CARNS1: variants seen among roughly 807,000 people sequenced by gnomAD.
CARNS1 encodes the protein ATP-grasp domain containing 1.
CARNS1 carries 61 observed loss-of-function variants against 74.0 expected under a neutral mutation model. The observed-to-expected ratio is 0.82, with a 90% CI of 0.67 to 1.02. The LOEUF (loss-of-function observed/expected upper bound fraction) is 1.02, where lower values mean the gene tolerates loss of function less well. Among genes scored for constraint, CARNS1 ranks in the 50% least tolerant of loss-of-function variants. CARNS1 has a pLI of 0.00. For synonymous variants in CARNS1, 568 were observed against 605.5 expected (o/e 0.94, Z 0.91); for missense variants, 1,278 against 1,308.4 (o/e 0.98, Z 0.36).
At position 67,424,424 on chromosome 11, in the gene CARNS1, C is replaced by A. The variant is rs773551482; in HGVS notation, c.2676C>A (p.Arg892=). 4.4e-6 allele frequency: 7 copies of A among 1,588,564 alleles called. No individual in the cohort carries two copies. The South Asian group carries it at 7.9e-5, about 18-fold the overall frequency. The stretch of plus-strand genomic sequence containing the variant: ...CCCTGCACGACCGTGGACTGCTACG[C>A]CTCAATCTGCTGGAGGAGGCCCTGG... ...LQALHDRGLL[R]LNLLEEALVP... is the part of the protein sequence containing the mutation. Residue 892 remains arginine (R), a synonymous_variant, in exon 10 of 10, where the codon CGC becomes CGA. Transcript: ENST00000687366.
chr11:67,420,486 T>G (rs781194831), intron 7 of CARNS1, 123 bp from the exon 8 acceptor site: 43 of 517,742 alleles, frequency 8.3e-5, no homozygotes, highest in Non-Finnish European at 1.2e-4. Flanking sequence ...TAAGACACGT[T>G]GGAGGACGGG....
Position 67,421,232 on chromosome 11 carries a change from C to G in CARNS1, c.1626+13C>G. The stretch of plus-strand genomic sequence containing the variant: ...CTACGGGCTCCAGGTGGGCGGGGCG[C>G]GGGGCGGGGCTGGGCCCCAGGTCCT... On this transcript the variant is annotated intron_variant, in intron 9 of 9. Transcript: ENST00000687366. 1 of 1,360,484 alleles carries G rather than the reference C, an allele frequency of 7.4e-7. No homozygotes were observed. Among genetic ancestry groups the G allele is most frequent in the Non-Finnish European group, 9.6e-7 (1 of 1,046,634 alleles). The allele number at this position is 1,360,484 out of a possible 1,614,324, so 84.3% of individuals were successfully genotyped here.
intron 4 of CARNS1, 31 bp downstream of exon 4, chr11:67,418,551 T>C: frequency 6.6e-7 from 1 of 1,522,640 alleles, no homozygotes; most frequent in Non-Finnish European, 8.8e-7. Flanking sequence ...CCCCATCCCC[T>C]TCTACAGAAA....
In CARNS1 at chr11:67,416,197, G is replaced by C. The variant is rs758983965; in HGVS notation, c.-3G>C. On this transcript the variant is annotated 5_prime_UTR_variant, in exon 2 of 10. Coordinates refer to ENST00000687366, the MANE Select transcript of CARNS1 (RefSeq NM_001166222.2). The stretch of plus-strand genomic sequence containing the variant: ...TCAGTCTCTCAGCCACTCCACCCAC[G>C]AGATGGTGAGTCTTCTGTGGTCCCT... 2 of 1,535,100 alleles carry C rather than the reference G, an allele frequency of 1.3e-6. No individual in the cohort carries two copies. The highest frequency in any genetic ancestry group is 2.4e-5 in the South Asian group (2 of 84,032).
Position 67,421,054 on chromosome 11 carries a change from G to A in CARNS1, c.1461G>A (p.Pro487=), listed in dbSNP as rs1207141670. The A allele has an allele frequency of 7.4e-6, 10 of 1,357,664 alleles. No homozygotes were observed. The highest frequency in any genetic ancestry group is 9.4e-7 in the Non-Finnish European group (1 of 1,066,154). 84.1% of individuals were successfully genotyped at this position (1,357,664 alleles called of 1,614,324 possible). A position where few individuals can be genotyped will look rare whatever the true frequency, so the allele number is the denominator to read the frequency against. ...CGCTGGAGGGGCTGTGGGCCGCGCC[G>A]CGGCTGGGGCCGGCGGCCGACGAGG... is the stretch of plus-strand genomic sequence containing the variant. ...CGALEGLWAA[P]RLGPAADEAV... The change falls in exon 9 of 10, where the codon CCG becomes CCA. Residue 487 remains proline (P), a synonymous_variant. Coordinates refer to ENST00000687366, the MANE Select transcript of CARNS1 (RefSeq NM_001166222.2).
chr11:67,418,532 C>T lies in CARNS1; in HGVS notation c.364+12C>T. On this transcript the variant is annotated intron_variant, in intron 4 of 9. Transcript: ENST00000687366. ...GGTCCAGAGCCCGGGTGAGTGTATG[C>T]TCAAGTTTCCCCATCCCCTTCTACA... The T allele has an allele frequency of 6.5e-7, 1 of 1,527,650 alleles. No individual in the cohort carries two copies. The highest frequency in any genetic ancestry group is 8.8e-7 in the Non-Finnish European group (1 of 1,141,326). The allele number at this position is 1,527,650 out of a possible 1,614,324, so 94.6% of individuals were successfully genotyped here.
chr11:67,418,885 AC>A lies in CARNS1; in HGVS notation c.495del (p.Phe166LeufsTer31). ...CCTGGGGGCCTGACATTCCTGGATG[AC>A]TTTGTCCCCCCGCGCCGTGCCACCT... The part of the protein sequence containing the change: ...FHPGGLTFLD[D>X]FVPPRRATYF... On this transcript the variant is annotated frameshift_variant, in exon 5 of 10. Transcript: ENST00000687366. LOFTEE classifies it high-confidence loss of function. The A allele has an allele frequency of 6.3e-7, 1 of 1,599,868 alleles. No individual in the cohort carries two copies. Among genetic ancestry groups the A allele is most frequent in the South Asian group, 1.1e-5 (1 of 88,872 alleles).
In CARNS1 at chr11:67,424,332, G is replaced by A. The variant is rs770786736; in HGVS notation, c.2584G>A (p.Val862Ile). 1.6e-5 allele frequency: 25 copies of A among 1,609,466 alleles called. No homozygotes were observed. The highest frequency in any genetic ancestry group is 4.4e-5 in the South Asian group (4 of 90,474). Residue 862 changes from valine (V) to isoleucine (I), a missense_variant, in exon 10 of 10, where the codon GTC (valine) becomes ATC (isoleucine). Around this residue, in one of 3 missense-constraint regions of CARNS1, gnomAD observed 1,164 missense variants for 1,156.5 expected, o/e 1.01. Coordinates refer to ENST00000687366, the MANE Select transcript of CARNS1 (RefSeq NM_001166222.2). ...ACGTGCTCGTGGCCATCTGGTGGGCGTCATGTGCCTTGTGTCCCAGCACCT... is the reference window on the plus strand; with the variant it reads ...ACGTGCTCGTGGCCATCTGGTGGGCATCATGTGCCTTGTGTCCCAGCACCT... The part of the protein sequence containing the change: ...RPRARGHLVG[V>I]MCLVSQHLQA...
intron 7 of CARNS1, among the ~76,000 whole-genome samples, chr11:67,420,102 T>C (rs1863657080): frequency 6.6e-6 from 1 of 152,126 alleles, no homozygotes; most frequent in Non-Finnish European, 1.5e-5. Context: ...GGCTGAATTG[T>C]CTTCCCAGAG....
chr11:67,418,981 C>T lies in CARNS1; in HGVS notation c.590C>T (p.Thr197Ile). ...REAAELARDL[T>I]CPTGASAELA... ...GCAGCAGAACTCGCCCGTGACCTGA[C>T]CTGCCCCACAGGAGCTTCGGCTGAG... Residue 197 changes from threonine to isoleucine, a missense_variant, in exon 5 of 10, where the codon ACC becomes ATC. This residue lies in a region of CARNS1 where 1,164 missense variants were observed against 1,156.5 expected (regional missense o/e 1.01). Coordinates refer to ENST00000687366, the MANE Select transcript of CARNS1 (RefSeq NM_001166222.2). 3 of 1,565,772 alleles carry T rather than the reference C, an allele frequency of 1.9e-6. No homozygotes were observed. Among genetic ancestry groups the T allele is most frequent in the Non-Finnish European group, 2.6e-6 (3 of 1,155,916 alleles).
chr11:67,417,935 C>T (rs1217859571), intron 3 of CARNS1, among the ~76,000 whole-genome samples: 2 of 152,216 alleles, frequency 1.3e-5, no homozygotes, highest in Non-Finnish European at 2.9e-5. Context: ...TGGGAAACCA[C>T]GTTGTGTGGC....
chr11:67,417,678 G>T lies in CARNS1; in HGVS notation c.274+1G>T, dbSNP rs1215744383. 1.6e-6 allele frequency: 2 copies of T among 1,253,566 alleles called. No individual in the cohort carries two copies. Among genetic ancestry groups the T allele is most frequent in the Non-Finnish European group, 2.0e-6 (2 of 997,816 alleles). The allele number at this position is 1,253,566 out of a possible 1,614,324, so 77.7% of individuals were successfully genotyped here. Reference sequence around the variant, plus strand: ...GACCGCGGCCAGGTGCCCCGCACAGGTGCCCAAGGGCTCCCTGGAGGGAGG... The same window carrying T: ...GACCGCGGCCAGGTGCCCCGCACAGTTGCCCAAGGGCTCCCTGGAGGGAGG... On this transcript the variant is annotated splice_donor_variant, in intron 3 of 9. Coordinates refer to ENST00000687366, the MANE Select transcript of CARNS1 (RefSeq NM_001166222.2). LOFTEE classifies it high-confidence loss of function.
In CARNS1 at chr11:67,421,157, G is replaced by A; in HGVS notation, c.1564G>A (p.Val522Ile). 2 of 1,494,024 alleles carry A rather than the reference G, an allele frequency of 1.3e-6. No individual in the cohort carries two copies. The highest frequency in any genetic ancestry group is 1.3e-5 in the South Asian group (1 of 79,938). 92.5% of individuals were successfully genotyped at this position (1,494,024 alleles called of 1,614,324 possible). A position where few individuals can be genotyped will look rare whatever the true frequency, so the allele number is the denominator to read the frequency against. The change falls in exon 9 of 10, where the codon GTC (valine) becomes ATC (isoleucine). Residue 522 changes from valine to isoleucine, a missense_variant. Transcript: ENST00000687366. ...CLMEGKQLLV[V>I]GAGGVSKKFV... Reference sequence around the variant, plus strand: ...CATGGAGGGAAAACAGCTGCTGGTGGTCGGCGCTGGCGGCGTCAGCAAGAA... The same window carrying A: ...CATGGAGGGAAAACAGCTGCTGGTGATCGGCGCTGGCGGCGTCAGCAAGAA...
chr11:67,423,716 G>A lies in CARNS1; in HGVS notation c.1968G>A (p.Glu656=). The A allele has an allele frequency of 6.3e-7, 1 of 1,579,504 alleles. No homozygotes were observed. The highest frequency in any genetic ancestry group is 8.6e-7 in the Non-Finnish European group (1 of 1,167,730). Reference sequence around the variant, plus strand: ...ATGCTGTGCCCTGCTGCCCACTGGAGAGTGAGGCTGATGTGGAGAGGGCCG... The same window carrying A: ...ATGCTGTGCCCTGCTGCCCACTGGAAAGTGAGGCTGATGTGGAGAGGGCCG... ...SLHAVPCCPL[E]SEADVERAVH... The change falls in exon 10 of 10, where the codon GAG becomes GAA. Residue 656 remains glutamate, a synonymous_variant. Coordinates refer to ENST00000687366, the MANE Select transcript of CARNS1 (RefSeq NM_001166222.2). This position sits in a 1 kb window ranked among gnomAD's most constrained non-coding sequence, Gnocchi z 5.1.
rs1231619508 is a variant in CARNS1, at chr11:67,424,936, C to T, written c.*335C>T. On this transcript the variant is annotated 3_prime_UTR_variant, in exon 10 of 10. Transcript: ENST00000687366. ...AGGTGGGAGTGGGCCCAAACCCAGC[C>T]CCTCCTGTCCACCTCTCCAGGTCTC... 1 of 561,576 alleles carries T rather than the reference C, an allele frequency of 1.8e-6. No individual in the cohort carries two copies. The highest frequency in any genetic ancestry group is 3.4e-6 in the Non-Finnish European group (1 of 295,816). 34.8% of individuals were successfully genotyped at this position (561,576 alleles called of 1,614,324 possible).
In CARNS1 at chr11:67,419,806, C is replaced by A. The variant is rs750224794; in HGVS notation, c.1081C>A (p.Arg361=). The A allele has an allele frequency of 2.5e-6, 4 of 1,598,630 alleles. No homozygotes were observed. In the Admixed American group the frequency reaches 6.9e-5, roughly 27 times the overall value. ...CGTGCGAATCTGTGCTGTGGTGTGTCGGACACAGGGTGATAGGCCACTGCT... is the reference window on the plus strand; with the variant it reads ...CGTGCGAATCTGTGCTGTGGTGTGTAGGACACAGGGTGATAGGCCACTGCT... The part of the protein sequence containing the change: ...LAVRICAVVC[R]TQGDRPLLSK... The change falls in exon 7 of 10, where the codon CGG becomes AGG. Residue 361 remains arginine (R), a synonymous_variant. Transcript: ENST00000687366.
In CARNS1 at chr11:67,421,200, C is replaced by A; in HGVS notation, c.1607C>A (p.Ala536Glu). 6.7e-7 allele frequency: 1 copy of A among 1,490,990 alleles called. No individual in the cohort carries two copies. Among genetic ancestry groups the A allele is most frequent in the Non-Finnish European group, 8.9e-7 (1 of 1,126,788 alleles). 92.4% of individuals were successfully genotyped at this position (1,490,990 alleles called of 1,614,324 possible). Reference protein sequence around the residue: ...GVSKKFVWEAARDYGLQLHLV... With the variant: ...GVSKKFVWEAERDYGLQLHLV... ...AGCAAGAAGTTCGTGTGGGAGGCGG[C>A]GCGCGACTACGGGCTCCAGGTGGGC... Residue 536 changes from alanine (A) to glutamate (E), a missense_variant, in exon 9 of 10, where the codon GCG (alanine) becomes GAG (glutamate). Transcript: ENST00000687366.
rs748649767 is a variant in CARNS1 at position 67,418,991 on chromosome 11, A to G, written c.600A>G (p.Thr200=). ...AELARDLTCP[T]GASAELARLL... ...TCGCCCGTGACCTGACCTGCCCCAC[A>G]GGAGCTTCGGCTGAGCTGGCCCGGC... Residue 200 remains threonine, a synonymous_variant, in exon 5 of 10, where the codon ACA becomes ACG. Transcript: ENST00000687366. 6 of 1,563,842 alleles carry G rather than the reference A, an allele frequency of 3.8e-6. No individual in the cohort carries two copies. The highest frequency in any genetic ancestry group is 3.5e-5 in the South Asian group (3 of 85,248).
Position 67,419,108 on chromosome 11 carries a change from G to A in CARNS1, c.717G>A (p.Pro239=), listed in dbSNP as rs534266295. 2.7e-5 allele frequency: 42 copies of A among 1,572,208 alleles called. No homozygotes were observed. The African/African-American group carries it at 4.4e-4, about 17-fold the overall frequency. The part of the protein sequence containing the change: ...PATLAFTYKP[P]GLLRGGDASL... ...CCCTGGCTTTCACCTACAAGCCGCC[G>A]GGGCTGCTGCGGGGAGGGGATGCCA... The change falls in exon 5 of 10, where the codon CCG becomes CCA. Residue 239 remains proline, a synonymous_variant. Coordinates refer to ENST00000687366, the MANE Select transcript of CARNS1 (RefSeq NM_001166222.2).
Sources: allele counts gnomAD v4.1 joint callset (sites outside exome capture counted in the v4.1 genomes callset), GRCh38; gene constraint gnomAD v4.1.1; regional missense constraint gnomAD v4.1.1; non-coding constraint Gnocchi (gnomAD v3.1); transcripts MANE v1.5; gene names NCBI Gene and HGNC (gene_info 2026-07-23, HGNC 2026-07-21).